Variants in STMN3 observed in about 807,000 individuals in gnomAD.
STMN3 encodes stathmin-3.
STMN3 carries 24 observed loss-of-function variants against 23.2 expected under a neutral mutation model. The observed-to-expected ratio is 1.03, with a 90% CI of 0.75 to 1.45. The LOEUF is 1.45. Ranked by LOEUF, STMN3 falls within the 40% of genes most tolerant of loss-of-function variation. The probability of loss-of-function intolerance (pLI) is 0.00; values close to 1 mark genes in which losing one functional copy is unlikely to be tolerated. For missense variants in STMN3, 235 were observed against 237.6 expected, an observed-to-expected ratio of 0.99 and a Z score of 0.07; for synonymous variants, 117 against 103.4, an observed-to-expected ratio of 1.13 and a Z score of -0.80.
At chr20:63,643,021 G>T (rs2089781201) in intron 3 of STMN3, among the ~76,000 whole-genome samples, 1 of 152,062 alleles carries the variant, frequency 6.6e-6, no homozygotes, top group Admixed American at 6.5e-5. Context: ...GCAGGGAGGG[G>T]ACCTGGAGCC....
At chr20:63,653,219 A>C in intron 1 of STMN3, 108 bp downstream of exon 1, 83 of 1,317,542 alleles carry the variant, frequency 6.3e-5, no homozygotes, top group Non-Finnish European at 7.5e-5. Context: ...CGCGCAGGGT[A>C]GGAGAAGGGA....
At chr20:63,647,968 A>ATG (rs1569070332) in intron 1 of STMN3, among the ~76,000 whole-genome samples, 9 of 85,532 alleles carry the variant, frequency 1.1e-4, no homozygotes, top group African/African-American at 4.3e-4. Flanking sequence ...ATGTATATAT[A>ATG]TATATATATA....
At chr20:63,651,366 G>A (rs6122139) in intron 1 of STMN3, among the ~76,000 whole-genome samples, 2 of 152,182 alleles carry the variant, frequency 1.3e-5, no homozygotes, top group African/African-American at 4.8e-5. Flanking sequence ...CCTGACTGCA[G>A]GCTCCTGTTG....
At chr20:63,645,357 C>T (rs2089801365) in intron 1 of STMN3, among the ~76,000 whole-genome samples, 1 of 152,182 alleles carries the variant, frequency 6.6e-6, no homozygotes, top group Non-Finnish European at 1.5e-5. Flanking sequence ...GGCACATGCT[C>T]TCTGTCTATC....
intron 1 of STMN3, among the ~76,000 whole-genome samples, chr20:63,649,616 C>T (rs529815508): frequency 7.1e-4 from 107 of 150,766 alleles, no homozygotes; most frequent in African/African-American, 2.6e-3. Flanking sequence ...CGGCAAGCTC[C>T]GCCTCCCGGA....
Position 63,653,422 on chromosome 20 carries a change from A to T in STMN3, c.-77T>A. On this transcript the variant is annotated 5_prime_UTR_variant, in exon 1 of 5. Transcript: ENST00000370053. ...CGGAGCTGCAGACGGCTGGTGCTGC[A>T]GTGCCGGGGAGGGGAGGGGAGAGGA... The T allele has an allele frequency of 9.4e-7, 1 of 1,063,970 alleles. No homozygotes were observed. Among genetic ancestry groups the T allele is most frequent in the Non-Finnish European group, 1.2e-6 (1 of 809,470 alleles). The allele number at this position is 1,063,970 out of a possible 1,614,324, so 65.9% of individuals were successfully genotyped here.
intron 1 of STMN3, among the ~76,000 whole-genome samples, chr20:63,646,514 C>T (rs990853368): frequency 6.6e-6 from 1 of 151,820 alleles, no homozygotes; most frequent in African/African-American, 2.4e-5. Flanking sequence ...CCACCACACC[C>T]AGCTAATTTT....
At chr20:63,646,056 C>T (rs2089806511) in intron 1 of STMN3, among the ~76,000 whole-genome samples, 1 of 152,064 alleles carries the variant, frequency 6.6e-6, no homozygotes, top group Non-Finnish European at 1.5e-5. Context: ...AGTAATCAAG[C>T]CTTTCATGGT....
chr20:63,645,877 T>G (rs2089805130), intron 1 of STMN3, among the ~76,000 whole-genome samples: 1 of 151,966 alleles, frequency 6.6e-6, no homozygotes, highest in African/African-American at 2.4e-5. Context: ...CGCTTGAACC[T>G]GGGAGGCGGA....
chr20:63,653,005 G>T (rs1395933385), intron 1 of STMN3, among the ~76,000 whole-genome samples: 1 of 151,880 alleles, frequency 6.6e-6, no homozygotes, highest in Non-Finnish European at 1.5e-5. Flanking sequence ...GCGCCCACCC[G>T]GTCGCGAGCC....
chr20:63,649,532 CTCTT>C (rs2089841333), intron 1 of STMN3, among the ~76,000 whole-genome samples: 3 of 152,026 alleles, frequency 2.0e-5, no homozygotes, highest in Admixed American at 6.6e-5. Flanking sequence ...CTCTCTCTCT[CTCTT>C]TTTGTTTTTT....
Position 63,643,839 on chromosome 20 carries a change from T to C in STMN3, c.208A>G (p.Met70Val). 6.3e-7 allele frequency: 1 copy of C among 1,575,668 alleles called. No homozygotes were observed. The highest frequency in any genetic ancestry group is 8.5e-7 in the Non-Finnish European group (1 of 1,169,720). ...SPSDLSPESP[M>V]LSSPPKKKDT... ...TTCTTCTTGGGTGGGGAGGAGAGCATAGGGCTCTCTGGGGACAGGTCAGAA... is the reference window on the plus strand; with the variant it reads ...TTCTTCTTGGGTGGGGAGGAGAGCACAGGGCTCTCTGGGGACAGGTCAGAA... Residue 70 changes from methionine to valine, a missense_variant, in exon 3 of 5, where the codon ATG (methionine) becomes GTG (valine). Coordinates refer to ENST00000370053, the MANE Select transcript of STMN3 (RefSeq NM_015894.4).
chr20:63,647,778 G>A (rs1355685007), intron 1 of STMN3, among the ~76,000 whole-genome samples: 1 of 116,418 alleles, frequency 8.6e-6, no homozygotes, highest in African/African-American at 3.2e-5. Context: ...ATATACACGT[G>A]TATATATATA....
At chr20:63,650,410 C>T (rs897021552) in intron 1 of STMN3, among the ~76,000 whole-genome samples, 1 of 152,178 alleles carries the variant, frequency 6.6e-6, no homozygotes, top group South Asian at 2.1e-4. Flanking sequence ...TAGTAGTGCC[C>T]GCTCCCAGGG....
Position 63,653,329 on chromosome 20 carries a change from G to T in STMN3, c.17C>A (p.Ser6Tyr). 3 of 1,548,214 alleles carry T rather than the reference G, an allele frequency of 1.9e-6. No individual in the cohort carries two copies. The highest frequency in any genetic ancestry group is 2.6e-6 in the Non-Finnish European group (3 of 1,146,452). The change falls in exon 1 of 5, where the codon TCC (serine) becomes TAC (tyrosine). Residue 6 changes from serine (S) to tyrosine (Y), a missense_variant and splice_region_variant. By Grantham distance (144) the Ser-to-Tyr change is moderately radical (BLOSUM62 -2). Coordinates refer to ENST00000370053, the MANE Select transcript of STMN3 (RefSeq NM_015894.4). Reference sequence around the variant, plus strand: ...AAGCCCGTGGCCCCGGAGCCTACCGGAAATGGTGCTGGCCATGGTGCTGGC... The same window carrying T: ...AAGCCCGTGGCCCCGGAGCCTACCGTAAATGGTGCTGGCCATGGTGCTGGC... The part of the protein sequence containing the change: MASTI[S>Y]AYKEKMKELS...
intron 3 of STMN3, 27 bp downstream of exon 3, chr20:63,643,729 G>A (rs1436230981): frequency 6.6e-6 from 10 of 1,510,978 alleles, no homozygotes; most frequent in East Asian, 2.5e-5. Flanking sequence ...GAAACTCCTG[G>A]GGGGTGGGGG....
chr20:63,649,232 T>A (rs1485201678), intron 1 of STMN3, among the ~76,000 whole-genome samples: 1 of 151,920 alleles, frequency 6.6e-6, no homozygotes, highest in African/African-American at 2.4e-5. Context: ...GCCTGCCCTG[T>A]GGTCTGGCTA....
At chr20:63,644,384 G>A in intron 1 of STMN3, 75 bp from the exon 2 acceptor site, 1 of 1,141,508 alleles carries the variant, frequency 8.8e-7, no homozygotes, top group Non-Finnish European at 1.3e-6. Context: ...CCTCCCCATG[G>A]CTGCCTCTAT....
rs1345729796 is a variant in STMN3, at chr20:63,652,562, G to C, written c.19+765C>G. 1 of 984,782 alleles carries C rather than the reference G, an allele frequency of 1.0e-6. No homozygotes were observed. Among genetic ancestry groups the C allele is most frequent in the Admixed American group, 6.1e-5 (1 of 16,272 alleles). 61.0% of individuals were successfully genotyped at this position (984,782 alleles called of 1,614,324 possible). A position where few individuals can be genotyped will look rare whatever the true frequency, so the allele number is the denominator to read the frequency against. ...GCGCGGGACGGGCCGGGAGGCCGGG[G>C]TGGGCGCTACCTTCGAAGGCGGTGG... is the stretch of plus-strand genomic sequence containing the variant. On this transcript the variant is annotated intron_variant, in intron 1 of 4. Transcript: ENST00000370053. This position sits in a 1 kb window ranked among gnomAD's most constrained non-coding sequence, Gnocchi z 5.3.
Sources: allele counts gnomAD v4.1 joint callset (sites outside exome capture counted in the v4.1 genomes callset), GRCh38; gene constraint gnomAD v4.1.1; non-coding constraint Gnocchi (gnomAD v3.1); transcripts MANE v1.5; gene names NCBI Gene and HGNC (gene_info 2026-07-23, HGNC 2026-07-21).